Variants in CACNA2D3 observed in about 807,000 individuals in gnomAD.
CACNA2D3 encodes voltage-dependent calcium channel subunit alpha-2/delta-3.
Under a neutral mutation model 160.6 loss-of-function variants are expected in CACNA2D3, and 60 were observed. The observed-to-expected ratio is 0.37, with a 90% CI of 0.30 to 0.46. The LOEUF (loss-of-function observed/expected upper bound fraction) is 0.46, where lower values mean the gene tolerates loss of function less well. Ranked by LOEUF, CACNA2D3 falls within the 20% of genes least tolerant of loss-of-function variation. CACNA2D3 has a pLI of 1.00. For synonymous variants in CACNA2D3, 558 were observed against 492.9 expected, an observed-to-expected ratio of 1.13 and a Z score of -1.75; for missense variants, 1,205 against 1,365.0, an observed-to-expected ratio of 0.88 and a Z score of 1.85.
In CACNA2D3 at chr3:54,196,508, A is replaced by G. The variant is rs566123522; in HGVS notation, c.204+72914A>G. Among the ~76,000 whole-genome samples the G allele has an allele frequency of 2.0e-5, 3 of 152,320 alleles. No homozygotes were observed. In the South Asian group the frequency reaches 6.2e-4, roughly 32 times the overall value. Reference sequence around the variant, plus strand: ...CTCCTGCCCACGTCACAGCCCTCCCAGTTCTCTTTGAGATGTTAATTTGTT... The same window carrying G: ...CTCCTGCCCACGTCACAGCCCTCCCGGTTCTCTTTGAGATGTTAATTTGTT... On this transcript the variant is annotated intron_variant, in intron 2 of 37. Transcript: ENST00000474759.
At chr3:54,794,852 A>T (rs1702836334) in intron 13 of CACNA2D3, among the ~76,000 whole-genome samples, 1 of 152,014 alleles carries the variant, frequency 6.6e-6, no homozygotes, top group African/African-American at 2.4e-5. Context: ...TGTTTTCAGC[A>T]GTATTACACA....
intron 14 of CACNA2D3, among the ~76,000 whole-genome samples, chr3:54,830,861 T>G (rs1703861698): frequency 1.3e-5 from 2 of 152,134 alleles, no homozygotes; most frequent in Non-Finnish European, 1.5e-5. Context: ...TTTACCCTAA[T>G]GGCCACTAGA....
chr3:54,324,853 A>G (rs1385090361), intron 3 of CACNA2D3, among the ~76,000 whole-genome samples: 10 of 152,180 alleles, frequency 6.6e-5, no homozygotes, highest in African/African-American at 2.2e-4. Flanking sequence ...TCCTCTGCCA[A>G]CTGTGGATTC....
In CACNA2D3 at chr3:54,993,937, G is replaced by A. The variant is rs999745011; in HGVS notation, c.2690+6184G>A. 2.7e-5 allele frequency among the ~76,000 whole-genome samples: 4 copies of A among 145,816 alleles called. No individual in the cohort carries two copies. The East Asian group carries it at 8.2e-4, about 30-fold the overall frequency. On this transcript the variant is annotated intron_variant, in intron 31 of 37. Transcript: ENST00000474759. ...GTGTGTGTGTTTTGTGTGTGTGTGT[G>A]GTTTTGCGTGGTTTTTGTTGTTTGT...
At chr3:54,331,511 A>G (rs372207692) in intron 3 of CACNA2D3, among the ~76,000 whole-genome samples, 1 of 152,164 alleles carries the variant, frequency 6.6e-6, no homozygotes, top group African/African-American at 2.4e-5. Flanking sequence ...TTCATCATTG[A>G]TATCATCTCT....
At chr3:54,369,271 T>TA (rs373087511) in intron 3 of CACNA2D3, among the ~76,000 whole-genome samples, 5,232 of 145,500 alleles carry the variant, frequency 0.036, 311 homozygotes, top group African/African-American at 0.12. Context: ...ACACAAACCT[T>TA]AAAAAAAAAA....
At chr3:54,305,695 GCA>G (rs752532250) in intron 2 of CACNA2D3, among the ~76,000 whole-genome samples, 10 of 152,364 alleles carry the variant, frequency 6.6e-5, no homozygotes, top group Middle Eastern at 3.4e-3. Flanking sequence ...TCTTGGAAGT[GCA>G]CAGAGGTGCT....
At chr3:54,861,140 T>A (rs1699283483) in intron 17 of CACNA2D3, among the ~76,000 whole-genome samples, 2 of 152,088 alleles carry the variant, frequency 1.3e-5, no homozygotes, top group Admixed American at 1.3e-4. Context: ...AGTAAGCTAA[T>A]AATTTGCAGT....
intron 12 of CACNA2D3, 142 bp from the exon 13 acceptor site, chr3:54,764,076 G>C (rs1239590648): frequency 3.5e-6 from 3 of 859,448 alleles, no homozygotes; most frequent in Non-Finnish European, 5.4e-6. Flanking sequence ...ACGTTGAAAA[G>C]AAAAATGGGG....
intron 16 of CACNA2D3, among the ~76,000 whole-genome samples, chr3:54,838,944 A>T (rs1020326986): frequency 1.3e-5 from 2 of 152,172 alleles, no homozygotes; most frequent in Non-Finnish European, 2.9e-5. Context: ...GGATATCAAC[A>T]TGACTGGTTT....
intron 4 of CACNA2D3, among the ~76,000 whole-genome samples, chr3:54,436,470 C>T (rs1452625352): frequency 6.6e-6 from 1 of 152,200 alleles, no homozygotes; most frequent in Non-Finnish European, 1.5e-5. Flanking sequence ...TATAAAGTCA[C>T]ATGCACACAT....
At chr3:54,990,731 C>T (rs1702720695) in intron 31 of CACNA2D3, among the ~76,000 whole-genome samples, 1 of 152,156 alleles carries the variant, frequency 6.6e-6, no homozygotes, top group Non-Finnish European at 1.5e-5. Context: ...AGACCTCTCC[C>T]CTGACCATTC....
intron 9 of CACNA2D3, among the ~76,000 whole-genome samples, chr3:54,591,293 C>T (rs544321235): frequency 2.8e-4 from 42 of 152,270 alleles, no homozygotes; most frequent in Admixed American, 1.3e-3. Context: ...AGGTGTCTTC[C>T]GTGAACTCTG....
intron 35 of CACNA2D3, among the ~76,000 whole-genome samples, chr3:55,020,860 A>G (rs2107161522): frequency 6.6e-6 from 1 of 152,208 alleles, no homozygotes; most frequent in African/African-American, 2.4e-5. Context: ...AAAAAAAAAA[A>G]AAGTAATAAT....
intron 4 of CACNA2D3, among the ~76,000 whole-genome samples, chr3:54,392,381 C>T (rs569606313): frequency 1.3e-3 from 202 of 152,270 alleles, no homozygotes; most frequent in African/African-American, 4.7e-3. Context: ...TCTTTGAAAG[C>T]TGTCTCAAAT....
intron 2 of CACNA2D3, among the ~76,000 whole-genome samples, chr3:54,203,007 G>A (rs1701205585): frequency 6.6e-6 from 1 of 152,208 alleles, no homozygotes; most frequent in South Asian, 2.1e-4. Flanking sequence ...ATCATGGCTG[G>A]TGACACACAT....
intron 17 of CACNA2D3, among the ~76,000 whole-genome samples, chr3:54,871,236 G>T (rs1699527319): frequency 6.8e-6 from 1 of 147,524 alleles, no homozygotes; most frequent in African/African-American, 2.6e-5. Flanking sequence ...CCCCATTCAA[G>T]GAGGGGACAG....
chr3:54,572,685 C>CT (rs1702518902), intron 8 of CACNA2D3, among the ~76,000 whole-genome samples: 1 of 152,180 alleles, frequency 6.6e-6, no homozygotes, highest in African/African-American at 2.4e-5. Context: ...ATAGTTAGAA[C>CT]TTTGGGTTTG....
At chr3:54,504,791 C>T (rs891617187) in intron 5 of CACNA2D3, among the ~76,000 whole-genome samples, 1 of 152,170 alleles carries the variant, frequency 6.6e-6, no homozygotes, top group African/African-American at 2.4e-5. Flanking sequence ...CTTAAGCAAG[C>T]AACTTTGCCT....
Sources: allele counts gnomAD v4.1 joint callset (sites outside exome capture counted in the v4.1 genomes callset), GRCh38; gene constraint gnomAD v4.1.1; transcripts MANE v1.5; gene names NCBI Gene and HGNC (gene_info 2026-07-23, HGNC 2026-07-21).